Variants in NASP observed in about 807,000 individuals in gnomAD.
The protein encoded by NASP is NASP histone chaperone.
Under a neutral mutation model 89.5 loss-of-function variants are expected in NASP, and 24 were observed. That is an observed-to-expected ratio of 0.27 (90% CI 0.19 to 0.38). NASP has a LOEUF of 0.38. Ranked by LOEUF, NASP falls within the 10% of genes least tolerant of loss-of-function variation. The pLI is 1.00. For synonymous variants in NASP, 306 were observed against 324.7 expected (o/e 0.94, Z 0.62); for missense variants, 848 against 921.4 (o/e 0.92, Z 1.03).
intron 2 of NASP, among the ~76,000 whole-genome samples, chr1:45,593,255 C>A (rs766592657): frequency 1.3e-5 from 2 of 151,978 alleles, no homozygotes; most frequent in Non-Finnish European, 2.9e-5. Flanking sequence ...TAACTCCGGC[C>A]AGGCAGGTGG....
chr1:45,588,707 G>A, intron 1 of NASP: 1 of 416,236 alleles, frequency 2.4e-6, no homozygotes, highest in Admixed American at 2.8e-5. Flanking sequence ...GGGAGGCCGA[G>A]GTGGGCAGAT....
At chr1:45,597,600 T>C (rs1296704536) in intron 2 of NASP, among the ~76,000 whole-genome samples, 1 of 152,194 alleles carries the variant, frequency 6.6e-6, no homozygotes, top group East Asian at 1.9e-4. Context: ...AGTCATGTTA[T>C]TAACATGTAA....
At chr1:45,604,896 A>T in intron 3 of NASP, 40 bp from the exon 4 acceptor site, 1 of 1,402,828 alleles carries the variant, frequency 7.1e-7, no homozygotes, top group Non-Finnish European at 1.0e-6. Flanking sequence ...GTTTTAGATT[A>T]GATGGTAATT....
chr1:45,591,173 A>G (rs1355320424), intron 1 of NASP, 50 bp from the exon 2 acceptor site: 3 of 1,116,718 alleles, frequency 2.7e-6, no homozygotes, highest in Non-Finnish European at 3.9e-6. Flanking sequence ...TTTCAGGCTT[A>G]ATAATTGCCT....
At chr1:45,596,287 AGTGTT>A in intron 2 of NASP, among the ~76,000 whole-genome samples, 1 of 152,208 alleles carries the variant, frequency 6.6e-6, no homozygotes, top group East Asian at 1.9e-4. Context: ...GTAAGTCAGT[AGTGTT>A]AAGTAAATTC....
chr1:45,607,833 G>T lies in NASP; in HGVS notation c.922G>T (p.Asp308Tyr), dbSNP rs968966844. Residue 308 changes from aspartate to tyrosine, a missense_variant, in exon 6 of 15, where the codon GAT becomes TAT. This residue lies in a region of NASP where 464 missense variants were observed against 469.4 expected (regional missense o/e 0.99). Transcript: ENST00000350030. ...TTTAGACCCGACAGTCAAGCCAGTG[G>T]ATGTGGGTGGGGACGAGCCAGAGGA... is the stretch of plus-strand genomic sequence containing the variant. ...ESLDPTVKPVDVGGDEPEEKV... is the reference protein window; with the variant it reads ...ESLDPTVKPVYVGGDEPEEKV... 2 of 1,614,180 alleles carry T rather than the reference G, an allele frequency of 1.2e-6. No homozygotes were observed. Among genetic ancestry groups the T allele is most frequent in the Non-Finnish European group, 1.7e-6 (2 of 1,180,026 alleles).
chr1:45,605,178 ATATT>A (rs1643891944), intron 4 of NASP, among the ~76,000 whole-genome samples, 162 bp downstream of exon 4: 2 of 152,218 alleles, frequency 1.3e-5, no homozygotes, highest in African/African-American at 4.8e-5. Context: ...ATTAGTAGTT[ATATT>A]TAAGTTTTGA....
At position 45,592,048 on chromosome 1, in the gene NASP, C is replaced by T. The variant is rs138852305; in HGVS notation, c.107+778C>T. 3.0e-3 allele frequency among the ~76,000 whole-genome samples: 462 copies of T among 152,290 alleles called. 4 individuals are homozygous for T. Among genetic ancestry groups the T allele is most frequent in the East Asian group, 0.022 (115 of 5,184 alleles). On this transcript the variant is annotated intron_variant, in intron 2 of 14. Transcript: ENST00000350030. Reference sequence around the variant, plus strand: ...TGTCGCCCAGGCTGGAGTGCAGTGGCGCAATCTTGGCTCACTGCAACATCT... The same window carrying T: ...TGTCGCCCAGGCTGGAGTGCAGTGGTGCAATCTTGGCTCACTGCAACATCT...
In NASP at chr1:45,584,177, G is replaced by C. The variant is rs28365868; in HGVS notation, c.31G>C (p.Val11Leu). The C allele has an allele frequency of 3.5e-3, 5,591 of 1,596,816 alleles. 63 individuals are homozygous for C. The highest frequency in any genetic ancestry group is 0.035 in the East Asian group (1,529 of 44,200). ...CATGGAGTCCACAGCCACTGCCGCC[G>C]TCGCCGCGGAGCTGGTTTCTGCCGA... MAMESTATAA[V>L]AAELVSADKI... The change falls in exon 1 of 15, where the codon GTC (valine) becomes CTC (leucine). Residue 11 changes from valine (V) to leucine (L), a missense_variant. This residue lies in a region of NASP where 89 missense variants were observed against 79.2 expected (regional missense o/e 1.12). Coordinates refer to ENST00000350030, the MANE Select transcript of NASP (RefSeq NM_002482.4).
rs757130605 is a variant in NASP at position 45,618,332 on chromosome 1, T to C, written c.*191T>C. On this transcript the variant is annotated 3_prime_UTR_variant, in exon 15 of 15. Coordinates refer to ENST00000350030, the MANE Select transcript of NASP (RefSeq NM_002482.4). Reference sequence around the variant, plus strand: ...TGGTTTTATATATTAGCCAAAGGTTTTGTTCTGGCCTTCTGTACTGATCTG... The same window carrying C: ...TGGTTTTATATATTAGCCAAAGGTTCTGTTCTGGCCTTCTGTACTGATCTG... 5.4e-5 allele frequency: 28 copies of C among 518,926 alleles called. No homozygotes were observed. Among genetic ancestry groups the C allele is most frequent in the Non-Finnish European group, 8.9e-5 (25 of 280,576 alleles). 32.1% of individuals were successfully genotyped at this position (518,926 alleles called of 1,614,324 possible). A position where few individuals can be genotyped will look rare whatever the true frequency, so the allele number is the denominator to read the frequency against.
intron 2 of NASP, among the ~76,000 whole-genome samples, chr1:45,592,231 C>T (rs1570954755): frequency 6.6e-6 from 1 of 152,186 alleles, no homozygotes; most frequent in Non-Finnish European, 1.5e-5. Context: ...GTGATCTGCC[C>T]GCCTTGGCCT....
chr1:45,587,192 TTTG>T (rs1041619328), intron 1 of NASP, among the ~76,000 whole-genome samples: 3 of 152,228 alleles, frequency 2.0e-5, no homozygotes, highest in Admixed American at 6.5e-5. Flanking sequence ...TTGGTTTTTT[TTTG>T]TTGTTTTTTT....
chr1:45,584,234 A>C lies in NASP; in HGVS notation c.59+29A>C, dbSNP rs1409299750. ...AGCGGGACTGTGGAAAGCTTAAGGC[A>C]CTGGCCAGTCCGCGGGGAGGGCTAA... On this transcript the variant is annotated intron_variant, in intron 1 of 14. Coordinates refer to ENST00000350030, the MANE Select transcript of NASP (RefSeq NM_002482.4). 3.8e-6 allele frequency: 6 copies of C among 1,559,764 alleles called. No homozygotes were observed. The Admixed American group carries it at 1.1e-4, about 30-fold the overall frequency.
At position 45,615,135 on chromosome 1, in the gene NASP, A is replaced by G. The variant is rs911737692; in HGVS notation, c.1789A>G (p.Asn597Asp). The G allele has an allele frequency of 6.2e-7, 1 of 1,614,096 alleles. No homozygotes were observed. Among genetic ancestry groups the G allele is most frequent in the African/African-American group, 1.3e-5 (1 of 74,920 alleles). Residue 597 changes from asparagine to aspartate, a missense_variant, in exon 10 of 15, where the codon AAC becomes GAC. This residue lies in a region of NASP where 60 missense variants were observed against 114.6 expected (regional missense o/e 0.52). Transcript: ENST00000350030. The part of the protein sequence containing the change: ...HYQLGLAYGY[N>D]SQYDEAVAQF... ...CCAGCTGGGCTTGGCTTATGGGTAC[A>G]ACTCTCAGTATGATGAGGCAGTGGC...
At chr1:45,587,683 T>TA (rs1644575274) in intron 1 of NASP, among the ~76,000 whole-genome samples, 1 of 103,554 alleles carries the variant, frequency 9.7e-6, no homozygotes, top group African/African-American at 3.9e-5. Context: ...TATATATATA[T>TA]ATATAATTAA....
rs1355075433 is a variant in NASP, at chr1:45,616,354, A to G, written c.2040A>G (p.Ser680=). The change falls in exon 12 of 15, where the codon TCA becomes TCG. Residue 680 remains serine (S), a synonymous_variant. Coordinates refer to ENST00000350030, the MANE Select transcript of NASP (RefSeq NM_002482.4). ...LKATLVESST[S]GFTPGGGGSS... ...TCTCGCAGGTGGAGAGTTCTACTTC[A>G]GGTTTCACTCCTGGTGGAGGAGGCT... is the stretch of plus-strand genomic sequence containing the variant. The G allele has an allele frequency of 1.2e-6, 2 of 1,614,176 alleles. No individual in the cohort carries two copies. The highest frequency in any genetic ancestry group is 1.7e-6 in the Non-Finnish European group (2 of 1,180,032).
At chr1:45,616,264 G>C (rs1399849821) in intron 11 of NASP, 73 bp from the exon 12 acceptor site, 2 of 1,339,600 alleles carry the variant, frequency 1.5e-6, no homozygotes, top group East Asian at 2.3e-5. Context: ...GGATGGTGAT[G>C]GGTTCCTGTT....
intron 14 of NASP, among the ~76,000 whole-genome samples, chr1:45,617,848 G>A (rs1644133713): frequency 6.6e-6 from 1 of 152,180 alleles, no homozygotes; most frequent in African/African-American, 2.4e-5. Flanking sequence ...AAAACCATTA[G>A]GTCACTTCCT....
In NASP at chr1:45,596,721, T is replaced by C. The variant is rs575917327; in HGVS notation, c.107+5451T>C. Among the ~76,000 whole-genome samples, 6 of 152,332 alleles carry C rather than the reference T, an allele frequency of 3.9e-5. No individual in the cohort carries two copies. The South Asian group carries it at 8.3e-4, about 21-fold the overall frequency. ...AAATTACCACTTGTTGGTCAAGTGC[T>C]GTGGCTCACGCCTGCATCCCAGTAC... On this transcript the variant is annotated intron_variant, in intron 2 of 14. Coordinates refer to ENST00000350030, the MANE Select transcript of NASP (RefSeq NM_002482.4).
Sources: gnomAD v4.1 joint callset for allele counts (sites outside exome capture counted in the v4.1 genomes callset) on GRCh38, gnomAD v4.1.1 for gene constraint, gnomAD v4.1.1 regional missense constraint, MANE v1.5 for transcripts, NCBI Gene and HGNC (gene_info 2026-07-23, HGNC 2026-07-21) for gene names.